The following CLIC5 variants were observed in gnomAD, a reference collection of about 807,000 sequenced individuals.
CLIC5 encodes chloride intracellular channel protein 5.
CLIC5 carries 20 observed loss-of-function variants against 24.7 expected under a neutral mutation model. The ratio of observed to expected loss-of-function variants is 0.81; its 90% CI spans 0.57 to 1.18. CLIC5 has a LOEUF of 1.18. Among genes scored for constraint, CLIC5 ranks in the 50% most tolerant of loss-of-function variants. CLIC5 has a pLI of 0.00. For synonymous variants in CLIC5, 159 were observed against 135.6 expected, an observed-to-expected ratio of 1.17 and a Z score of -1.20; for missense variants, 341 against 326.1, an observed-to-expected ratio of 1.05 and a Z score of -0.35.
intron 6 of CLIC5, chr6:45,892,082 A>T (rs537015805): frequency 1.3e-5 from 2 of 152,148 alleles, no homozygotes; most frequent in African/African-American, 4.8e-5. Context: ...ATGTTTGATC[A>T]TATCACATCT....
At chr6:46,085,348 CTCTGCTTTTTAGAGTTTCCAGTTTT>C in the CLIC5 span, among the ~76,000 whole-genome samples, 6 of 152,352 alleles carry the variant, frequency 3.9e-5, no homozygotes, top group Middle Eastern at 3.4e-3. Context: ...AGGAGAGGCG[CTCTGCTTTTTAGAGTTTCCAGTTTT>C]TCTGCTCCGT....
At chr6:45,935,744 C>A (rs1763907530) in intron 4 of CLIC5, among the ~76,000 whole-genome samples, 1 of 152,186 alleles carries the variant, frequency 6.6e-6, no homozygotes. Context: ...TCTAAGGGAG[C>A]AGGGTTTGTG....
At chr6:46,013,827 G>A (rs1157821417) in intron 1 of CLIC5, among the ~76,000 whole-genome samples, 1 of 152,180 alleles carries the variant, frequency 6.6e-6, no homozygotes, top group Non-Finnish European at 1.5e-5. Context: ...CAAGGAATCT[G>A]AGTAAGTCCT....
At chr6:46,096,915 A>G in the CLIC5 span, among the ~76,000 whole-genome samples, 13 of 152,230 alleles carry the variant, frequency 8.5e-5, no homozygotes, top group Non-Finnish European at 1.9e-4. Flanking sequence ...GTTACTTGAA[A>G]ACCAGAGTAA....
At chr6:46,094,140 G>A in the CLIC5 span, among the ~76,000 whole-genome samples, 1 of 152,158 alleles carries the variant, frequency 6.6e-6, no homozygotes, top group African/African-American at 2.4e-5. Context: ...CACTAAATGG[G>A]AAATCTGGCT....
intron 6 of CLIC5, among the ~76,000 whole-genome samples, chr6:45,881,489 C>T (rs983871310): frequency 5.3e-5 from 8 of 152,218 alleles, no homozygotes; most frequent in Middle Eastern, 3.4e-3. Context: ...GTGGGGAGGG[C>T]CTCAGCCTTA....
At chr6:46,049,766 C>A (rs1768053017) in intron 1 of CLIC5, among the ~76,000 whole-genome samples, 1 of 152,178 alleles carries the variant, frequency 6.6e-6, no homozygotes, top group Non-Finnish European at 1.5e-5. Context: ...TTTTGACAGG[C>A]TATGTAAATA....
intron 1 of CLIC5, among the ~76,000 whole-genome samples, chr6:45,983,894 T>A (rs1167281263): frequency 6.6e-6 from 1 of 152,202 alleles, no homozygotes; most frequent in Non-Finnish European, 1.5e-5. Flanking sequence ...TTTCTTTATA[T>A]CTTCTCTGTC....
At chr6:46,111,789 G>A in the CLIC5 span, among the ~76,000 whole-genome samples, 1 of 152,176 alleles carries the variant, frequency 6.6e-6, no homozygotes, top group Non-Finnish European at 1.5e-5. Context: ...TGTCATGAGA[G>A]GGACCTGGTG....
chr6:46,078,430 T>G (rs1762829876), intron 1 of CLIC5, among the ~76,000 whole-genome samples: 1 of 152,136 alleles, frequency 6.6e-6, no homozygotes, highest in East Asian at 1.9e-4. Context: ...GTCAGAAAAC[T>G]GCGTGAATGC....
intron 6 of CLIC5, among the ~76,000 whole-genome samples, chr6:45,893,242 TG>T (rs66513138): frequency 0.057 from 8,498 of 149,036 alleles, 657 homozygotes; most frequent in African/African-American, 0.17. Context: ...TTTTTTTTTT[TG>T]TTTTAAGAAT....
chr6:46,048,049 C>A (rs1341197027), intron 1 of CLIC5, among the ~76,000 whole-genome samples: 1 of 148,290 alleles, frequency 6.7e-6, no homozygotes, highest in East Asian at 2.0e-4. Flanking sequence ...GTCCCCTAGG[C>A]TGGAGTGCAG....
chr6:46,014,562 C>G (rs1465887042), intron 1 of CLIC5: 1 of 152,154 alleles, frequency 6.6e-6, no homozygotes, highest in African/African-American at 2.4e-5. Context: ...CAAGTCCTGG[C>G]GACTGTTTCT....
chr6:45,988,680 A>G (rs1261850822), intron 1 of CLIC5, among the ~76,000 whole-genome samples: 2 of 152,216 alleles, frequency 1.3e-5, no homozygotes, highest in Middle Eastern at 3.2e-3. Context: ...TCAAAGGTTA[A>G]GTTTAGATTA....
chr6:46,034,401 A>G (rs1767604987), intron 1 of CLIC5, among the ~76,000 whole-genome samples: 1 of 152,214 alleles, frequency 6.6e-6, no homozygotes, highest in African/African-American at 2.4e-5. Context: ...AATAATCTCA[A>G]TATGGGTGCT....
At chr6:45,964,139 G>T (rs1764941816) in intron 1 of CLIC5, among the ~76,000 whole-genome samples, 1 of 152,146 alleles carries the variant, frequency 6.6e-6, no homozygotes, top group African/African-American at 2.4e-5. Flanking sequence ...TCCAAGTTTG[G>T]CTGTTTCTGC....
chr6:45,886,244 C>G (rs62400462), intron 6 of CLIC5, among the ~76,000 whole-genome samples: 28 of 152,200 alleles, frequency 1.8e-4, no homozygotes, highest in African/African-American at 6.0e-4. Context: ...CCCCAGGGTG[C>G]AGCCCCAGTC....
intron 4 of CLIC5, among the ~76,000 whole-genome samples, chr6:45,915,074 C>T (rs1762975233): frequency 6.6e-6 from 1 of 151,384 alleles, no homozygotes. Flanking sequence ...GGATTACAGG[C>T]ACAAGCCACC....
chr6:46,111,845 A>T, the CLIC5 span, among the ~76,000 whole-genome samples: 1,144 of 152,246 alleles, frequency 7.5e-3, 12 homozygotes, highest in African/African-American at 0.026. Flanking sequence ...TGCTGTTCTC[A>T]TGATAGTGAA....
Sources: allele counts gnomAD v4.1 joint callset (sites outside exome capture counted in the v4.1 genomes callset), GRCh38; gene constraint gnomAD v4.1.1; transcripts MANE v1.5; gene names NCBI Gene and HGNC (gene_info 2026-07-23, HGNC 2026-07-21).